Variants in ACOX3 observed in about 807,000 individuals in gnomAD.
ACOX3 encodes peroxisomal acyl-coenzyme A oxidase 3.
ACOX3 carries 73 observed loss-of-function variants against 81.5 expected under a neutral mutation model. The ratio of observed to expected loss-of-function variants is 0.90; its 90% CI spans 0.74 to 1.09. The LOEUF is 1.09. Among genes scored for constraint, ACOX3 ranks in the 50% least tolerant of loss-of-function variants. The probability of loss-of-function intolerance (pLI) is 0.00; values close to 1 mark genes in which losing one functional copy is unlikely to be tolerated. For missense variants in ACOX3, 947 were observed against 928.0 expected (o/e 1.02, Z -0.27); for synonymous variants, 387 against 375.1 (o/e 1.03, Z -0.37).
chr4:8,409,406 T>C (rs1721424842), intron 6 of ACOX3, among the ~76,000 whole-genome samples: 1 of 121,384 alleles, frequency 8.2e-6, no homozygotes, highest in South Asian at 3.0e-4. Context: ...CGGGATACAC[T>C]GTGGGTGGGG....
chr4:8,387,411 C>T (rs534520603), intron 13 of ACOX3, among the ~76,000 whole-genome samples: 4 of 152,302 alleles, frequency 2.6e-5, no homozygotes, highest in South Asian at 2.1e-4. Context: ...TTCCACGTCT[C>T]GGGTGTCACG....
intron 5 of ACOX3, among the ~76,000 whole-genome samples, chr4:8,411,922 T>C (rs1162366247): frequency 6.6e-6 from 1 of 152,234 alleles, no homozygotes; most frequent in Admixed American, 6.5e-5. Flanking sequence ...CAGCCCAGCC[T>C]GGATCCTGGG....
chr4:8,397,088 C>A lies in ACOX3; in HGVS notation c.905G>T (p.Gly302Val). The A allele has an allele frequency of 6.3e-7, 1 of 1,584,088 alleles. No homozygotes were observed. The highest frequency in any genetic ancestry group is 8.6e-7 in the Non-Finnish European group (1 of 1,167,542). ...GGAGACCCGGCCCGAGGACAGGCTCCCCAGGGACGCTCCAAAGCGCTGCCT... is the reference window on the plus strand; with the variant it reads ...GGAGACCCGGCCCGAGGACAGGCTCACCAGGGACGCTCCAAAGCGCTGCCT... The part of the protein sequence containing the change: ...DVRQRFGASL[G>V]SLSSGRVSIV... The change falls in exon 9 of 18, where the codon GGG becomes GTG. Residue 302 changes from glycine to valine, a missense_variant. Transcript: ENST00000356406.
At chr4:8,387,135 T>C (rs1314548306) in intron 13 of ACOX3, among the ~76,000 whole-genome samples, 1 of 152,278 alleles carries the variant, frequency 6.6e-6, no homozygotes, top group Non-Finnish European at 1.5e-5. Flanking sequence ...GGGCGGTTCC[T>C]GTCCAAACTC....
chr4:8,425,764 G>A (rs540755630), intron 1 of ACOX3, among the ~76,000 whole-genome samples: 5 of 151,810 alleles, frequency 3.3e-5, no homozygotes, highest in East Asian at 3.9e-4. Context: ...GGCCGAAGAC[G>A]TAATAAAGGC....
At chr4:8,355,738 G>C in the ACOX3 span, 1 of 152,130 alleles carries the variant, frequency 6.6e-6, no homozygotes, top group Non-Finnish European at 1.5e-5. Flanking sequence ...AAAAAATACA[G>C]TTAAATGGCA....
chr4:8,424,691 C>T (rs1723282636), intron 1 of ACOX3, among the ~76,000 whole-genome samples: 1 of 152,242 alleles, frequency 6.6e-6, no homozygotes, highest in South Asian at 2.1e-4. Context: ...CGACTGCGCA[C>T]TCGTGCAACT....
chr4:8,395,986 G>T (rs967233048), intron 9 of ACOX3, among the ~76,000 whole-genome samples: 12 of 152,200 alleles, frequency 7.9e-5, no homozygotes, highest in Admixed American at 3.9e-4. Flanking sequence ...CTGTAAAGTG[G>T]GACTAAGCCC....
downstream of ACOX3, among the ~76,000 whole-genome samples, chr4:8,362,427 T>C (rs1272812170): frequency 6.6e-6 from 1 of 152,264 alleles, no homozygotes; most frequent in Non-Finnish European, 1.5e-5. Context: ...CATATTTCTC[T>C]GTTTTCTCCA....
At chr4:8,412,330 T>C (rs1468441294) in intron 5 of ACOX3, among the ~76,000 whole-genome samples, 1 of 152,232 alleles carries the variant, frequency 6.6e-6, no homozygotes, top group African/African-American at 2.4e-5. Flanking sequence ...ACGGGTCCGC[T>C]TGAGTTCATT....
At position 8,374,993 on chromosome 4, in the gene ACOX3, C is replaced by T; in HGVS notation, c.1813G>A (p.Ala605Thr). ...YALWSLSRHA[A>T]LLYRGGYFSG... The stretch of plus-strand genomic sequence containing the variant: ...GAAGCCTCACCTCGGTAGAGCAGGG[C>T]CGCGTGGCGGCTCAGGGACCACAGG... Residue 605 changes from alanine to threonine, a missense_variant, in exon 15 of 18, where the codon GCC (alanine) becomes ACC (threonine). Physicochemically the swap from Ala to Thr is moderately conservative, Grantham distance 58 (BLOSUM62 0). Transcript: ENST00000356406. The T allele has an allele frequency of 6.5e-7, 1 of 1,530,478 alleles. No individual in the cohort carries two copies. The highest frequency in any genetic ancestry group is 8.8e-7 in the Non-Finnish European group (1 of 1,131,762). The allele number at this position is 1,530,478 out of a possible 1,614,324, so 94.8% of individuals were successfully genotyped here. A position where few individuals can be genotyped will look rare whatever the true frequency, so the allele number is the denominator to read the frequency against.
chr4:8,395,000 T>G lies in ACOX3; in HGVS notation c.1057-258A>C, dbSNP rs146293555. ...TCGCTAAATGGCCGCTATTCACAGC[T>G]GTCCCATCAAAGTCACTACAGAACA... is the stretch of plus-strand genomic sequence containing the variant. On this transcript the variant is annotated intron_variant, in intron 9 of 17. Coordinates refer to ENST00000356406, the MANE Select transcript of ACOX3 (RefSeq NM_003501.3). This position sits in a 1 kb window ranked among gnomAD's most constrained non-coding sequence, Gnocchi z 5.9. 9.9e-4 allele frequency: 359 copies of G among 364,362 alleles called. 1 individual carries two copies. Among genetic ancestry groups the G allele is most frequent in the African/African-American group, 6.7e-3 (324 of 48,186 alleles). The allele number at this position is 364,362 out of a possible 1,614,324, so 22.6% of individuals were successfully genotyped here. A position where few individuals can be genotyped will look rare whatever the true frequency, so the allele number is the denominator to read the frequency against.
At chr4:8,388,705 G>A (rs1008525639) in intron 13 of ACOX3, among the ~76,000 whole-genome samples, 9 of 152,222 alleles carry the variant, frequency 5.9e-5, no homozygotes, top group Admixed American at 1.3e-4. Context: ...CACAGGGGCC[G>A]AGTGAAGGAG....
chr4:8,404,663 C>T (rs758840420), intron 7 of ACOX3, among the ~76,000 whole-genome samples: 1 of 152,146 alleles, frequency 6.6e-6, no homozygotes. Flanking sequence ...CATCGCTGAG[C>T]GCTCAGATGC....
rs775136434 is a variant in ACOX3 at position 8,381,629 on chromosome 4, G to A, written c.1538-22C>T. On this transcript the variant is annotated intron_variant, in intron 13 of 17. Transcript: ENST00000356406. The surrounding 1 kb of genome is among the most constrained non-coding windows in gnomAD (Gnocchi z 4.3). ...GCGACTTCGGAATGACAAACAGAAG[G>A]AGAAAAAGTAACAATAGAGAACACA... is the stretch of plus-strand genomic sequence containing the variant. 2.6e-6 allele frequency: 4 copies of A among 1,563,334 alleles called. No homozygotes were observed. The highest frequency in any genetic ancestry group is 1.7e-5 in the Admixed American group (1 of 59,310).
chr4:8,390,135 T>A (rs1400196720), intron 11 of ACOX3, among the ~76,000 whole-genome samples: 1 of 149,320 alleles, frequency 6.7e-6, no homozygotes, highest in African/African-American at 2.5e-5. Flanking sequence ...GCCATGAGTT[T>A]GAGACCAGCC....
the ACOX3 span, among the ~76,000 whole-genome samples, chr4:8,359,818 T>A: frequency 6.6e-6 from 1 of 152,112 alleles, no homozygotes; most frequent in Non-Finnish European, 1.5e-5. This position sits in a 1 kb window ranked among gnomAD's most constrained non-coding sequence, Gnocchi z 6.0. Context: ...ACTGGTTGAA[T>A]AAATTGTAAA....
chr4:8,415,975 T>A lies in ACOX3; in HGVS notation c.169A>T (p.Asn57Tyr), dbSNP rs1722289729. 2 of 1,614,050 alleles carry A rather than the reference T, an allele frequency of 1.2e-6. No individual in the cohort carries two copies. Among genetic ancestry groups the A allele is most frequent in the Non-Finnish European group, 1.7e-6 (2 of 1,180,044 alleles). The change falls in exon 3 of 18, where the codon AAT becomes TAT. Residue 57 changes from asparagine (N) to tyrosine (Y), a missense_variant. Physicochemically the swap from Asn to Tyr is moderately radical, Grantham distance 143. Transcript: ENST00000356406. ...FKKTIFSALE[N>Y]DPLFARSPGA... ...GGGGAACGAGCGAAAAGAGGGTCAT[T>A]CTCAAGAGCTGAGAAGATGGTTTTC...
chr4:8,408,891 TGGGG>T (rs200811549), intron 6 of ACOX3, among the ~76,000 whole-genome samples: 3 of 25,790 alleles, frequency 1.2e-4, no homozygotes, highest in Non-Finnish European at 1.9e-4. Context: ...GAGCCCTCAC[TGGGG>T]GGGGGGGGTG....
Sources: gnomAD v4.1 joint callset for allele counts (sites outside exome capture counted in the v4.1 genomes callset) on GRCh38, gnomAD v4.1.1 for gene constraint, Gnocchi (gnomAD v3.1) non-coding constraint, MANE v1.5 for transcripts, NCBI Gene and HGNC (gene_info 2026-07-23, HGNC 2026-07-21) for gene names.